CHCHD6: variants seen among roughly 807,000 people sequenced by gnomAD.
CHCHD6 encodes MICOS complex subunit MIC25.
CHCHD6 carries 28 observed loss-of-function variants against 32.3 expected under a neutral mutation model. The ratio of observed to expected loss-of-function variants is 0.87; its 90% confidence interval spans 0.64 to 1.19. The LOEUF (loss-of-function observed/expected upper bound fraction) is 1.19. Ranked by LOEUF, CHCHD6 falls within the 50% of genes most tolerant of loss-of-function variation. The pLI is 0.00. For synonymous variants in CHCHD6, 122 were observed against 117.5 expected (o/e 1.04, Z -0.25); for missense variants, 333 against 307.0 (o/e 1.08, Z -0.63).
At chr3:126,720,295 A>C (rs1403285820) in intron 1 of CHCHD6, among the ~76,000 whole-genome samples, 1 of 152,142 alleles carries the variant, frequency 6.6e-6, no homozygotes, top group Admixed American at 6.5e-5. Context: ...CACACCTGTC[A>C]TGGTTGCCTC....
At chr3:126,742,546 T>G (rs1245595756) in intron 4 of CHCHD6, among the ~76,000 whole-genome samples, 1 of 152,178 alleles carries the variant, frequency 6.6e-6, no homozygotes, top group Non-Finnish European at 1.5e-5. Context: ...TGAGAGGTGA[T>G]TGGGTCATGA....
chr3:126,864,860 C>T (rs1234606445), intron 5 of CHCHD6, among the ~76,000 whole-genome samples: 1 of 148,834 alleles, frequency 6.7e-6, no homozygotes, highest in Non-Finnish European at 1.5e-5. Flanking sequence ...TCCTCTTCCT[C>T]CTCCACCATC....
At chr3:126,859,043 G>C (rs895482066) in intron 5 of CHCHD6, among the ~76,000 whole-genome samples, 3 of 152,274 alleles carry the variant, frequency 2.0e-5, no homozygotes, top group African/African-American at 7.2e-5. Flanking sequence ...TGTGAGCACA[G>C]TCCTTGCTGG....
At chr3:126,867,167 A>G (rs752019678) in intron 5 of CHCHD6, among the ~76,000 whole-genome samples, 1 of 152,208 alleles carries the variant, frequency 6.6e-6, no homozygotes, top group Admixed American at 6.5e-5. Context: ...GGAAAAGCCA[A>G]ATATACACCT....
chr3:126,723,687 G>C (rs912558154), intron 1 of CHCHD6, among the ~76,000 whole-genome samples: 1 of 152,108 alleles, frequency 6.6e-6, no homozygotes, highest in Non-Finnish European at 1.5e-5. Flanking sequence ...TTCTCAGTCA[G>C]TTCTCTATCT....
At chr3:126,761,027 C>G (rs1199109132) in intron 4 of CHCHD6, among the ~76,000 whole-genome samples, 1 of 152,140 alleles carries the variant, frequency 6.6e-6, no homozygotes, top group Non-Finnish European at 1.5e-5. Context: ...GAGAGAGGAT[C>G]TTGCTGTGTT....
chr3:126,807,197 A>T (rs972268250), intron 4 of CHCHD6, among the ~76,000 whole-genome samples: 3 of 139,932 alleles, frequency 2.1e-5, no homozygotes, highest in South Asian at 4.8e-4. Context: ...TTAAAGTATA[A>T]AAAAAAAAAA....
At chr3:126,953,499 A>T (rs755833684) in intron 6 of CHCHD6, among the ~76,000 whole-genome samples, 1 of 152,154 alleles carries the variant, frequency 6.6e-6, no homozygotes, top group Non-Finnish European at 1.5e-5. Flanking sequence ...GCCTTTCTGC[A>T]AGCTCACCCC....
At chr3:126,902,786 C>A (rs1466769695) in intron 5 of CHCHD6, among the ~76,000 whole-genome samples, 1 of 151,870 alleles carries the variant, frequency 6.6e-6, no homozygotes, top group Non-Finnish European at 1.5e-5. Flanking sequence ...TTCTGCACAT[C>A]CATGCTCCTC....
chr3:126,915,195 C>T (rs964584808), intron 6 of CHCHD6, among the ~76,000 whole-genome samples: 9 of 152,212 alleles, frequency 5.9e-5, no homozygotes, highest in Non-Finnish European at 1.2e-4. Flanking sequence ...GCACCCTGTG[C>T]GCAGTCATGC....
chr3:126,949,768 T>C (rs2078691592), intron 6 of CHCHD6: 1 of 175,044 alleles, frequency 5.7e-6, no homozygotes, highest in African/African-American at 2.4e-5. Flanking sequence ...GCAGATTGTC[T>C]TGGACATGAA....
chr3:126,745,974 T>G (rs1185604815), intron 4 of CHCHD6, among the ~76,000 whole-genome samples: 1 of 152,206 alleles, frequency 6.6e-6, no homozygotes, highest in Non-Finnish European at 1.5e-5. Flanking sequence ...CCCCCTACAC[T>G]TGGTGGCATC....
chr3:126,826,860 A>T (rs981812337), intron 4 of CHCHD6, among the ~76,000 whole-genome samples: 1 of 152,210 alleles, frequency 6.6e-6, no homozygotes, highest in African/African-American at 2.4e-5. Flanking sequence ...GACAAGATCC[A>T]GCCAGTGACT....
At chr3:126,938,640 C>T (rs2078516793) in intron 6 of CHCHD6, among the ~76,000 whole-genome samples, 1 of 152,208 alleles carries the variant, frequency 6.6e-6, no homozygotes, top group Admixed American at 6.5e-5. Context: ...CAGAGAAAGT[C>T]CCAGTAACTA....
chr3:126,718,886 TA>T (rs1034873271), intron 1 of CHCHD6, among the ~76,000 whole-genome samples: 5 of 152,204 alleles, frequency 3.3e-5, no homozygotes, highest in Non-Finnish European at 7.3e-5. Context: ...ATTTGTTGAT[TA>T]AAAATATTAC....
chr3:126,833,131 ACACATGTACATG>A (rs1481467359), intron 4 of CHCHD6, among the ~76,000 whole-genome samples: 8 of 152,206 alleles, frequency 5.3e-5, no homozygotes, highest in Non-Finnish European at 8.8e-5. Flanking sequence ...ACATGCACAC[ACACATGTACATG>A]CACATGTGCA....
chr3:126,783,868 A>C (rs9826765), intron 4 of CHCHD6, among the ~76,000 whole-genome samples: 6,195 of 152,140 alleles, frequency 0.041, 428 homozygotes, highest in African/African-American at 0.14. Context: ...GTCTGGTACA[A>C]ACTGGGATTA....
chr3:126,896,969 C>T (rs755866254), intron 5 of CHCHD6, among the ~76,000 whole-genome samples: 1 of 152,216 alleles, frequency 6.6e-6, no homozygotes, highest in Non-Finnish European at 1.5e-5. Flanking sequence ...CCTCCTACTG[C>T]TGTAGTCCAG....
At position 126,721,026 on chromosome 3, in the gene CHCHD6, C is replaced by CGA. The variant is rs2107654281; in HGVS notation, c.88-6052_88-6051insGA. Among the ~76,000 whole-genome samples, 2 of 152,330 alleles carry CGA rather than the reference C, an allele frequency of 1.3e-5. 1 individual carries two copies. The highest frequency in any genetic ancestry group is 4.1e-4 in the South Asian group (2 of 4,828). ...TTCTTAGAATAATTTTCTTAATTTCCTCCCTTTCTTTGTCATTCTCACGCA... is the reference window on the plus strand; with the variant it reads ...TTCTTAGAATAATTTTCTTAATTTCCGATCCCTTTCTTTGTCATTCTCACGCA... On this transcript the variant is annotated intron_variant, in intron 1 of 7. Transcript: ENST00000290913.
Sources: allele counts gnomAD v4.1 joint callset (sites outside exome capture counted in the v4.1 genomes callset), GRCh38; gene constraint gnomAD v4.1.1; transcripts MANE v1.5; gene names NCBI Gene and HGNC (gene_info 2026-07-23, HGNC 2026-07-21).